DHX15: variants seen among roughly 807,000 people sequenced by gnomAD.
DHX15 encodes DEAH-box helicase 15, also known as ATP-dependent RNA helicase DHX15.
DHX15 carries 11 observed loss-of-function variants against 94.4 expected under a neutral mutation model. That is an observed-to-expected ratio of 0.12 (90% confidence interval 0.07 to 0.19). The LOEUF is 0.19. Among genes scored for constraint, DHX15 ranks in the 10% least tolerant of loss-of-function variants. DHX15 has a pLI of 1.00. For missense variants in DHX15, 304 were observed against 988.5 expected (o/e 0.31, Z 9.29); for synonymous variants, 338 against 329.9 (o/e 1.02, Z -0.27).
rs372498614 is a variant in DHX15 at position 24,565,133 on chromosome 4, AATG to A, written c.701+5518_701+5520del. The stretch of plus-strand genomic sequence containing the variant: ...CTCAACAGAACTCACAGAAAGCTAG[AATG>A]AATGTGTAGGGTGTAGGTTCTACTT... On this transcript the variant is annotated intron_variant, in intron 3 of 13. Transcript: ENST00000336812. Among the ~76,000 whole-genome samples, 41 of 152,384 alleles carry A rather than the reference AATG, an allele frequency of 2.7e-4. No homozygotes were observed. In the East Asian group the frequency reaches 7.3e-3, roughly 27 times the overall value.
chr4:24,565,883 C>T (rs564367589), intron 3 of DHX15, among the ~76,000 whole-genome samples: 49 of 152,128 alleles, frequency 3.2e-4, no homozygotes, highest in Non-Finnish European at 5.6e-4. Context: ...GTAGTTAGTA[C>T]CAGCTCCATC....
At chr4:24,529,489 C>A (rs541738652) in intron 13 of DHX15, 112 bp downstream of exon 13, 56 of 907,264 alleles carry the variant, frequency 6.2e-5, no homozygotes, top group African/African-American at 1.5e-4. Flanking sequence ...TACCTACACA[C>A]TGAAATATAA....
At chr4:24,580,754 G>C (rs546783050) in intron 1 of DHX15, 1 of 151,966 alleles carries the variant, frequency 6.6e-6, no homozygotes, top group Non-Finnish European at 1.5e-5. Flanking sequence ...CTGACCTCAG[G>C]TGATCCATTC....
In DHX15 at chr4:24,541,075, G is replaced by A. The variant is rs538158485; in HGVS notation, c.1486-127C>T. Reference sequence around the variant, plus strand: ...ATTACTTCTACACTGTCTCAGTAGAGATAAATACTTGTAGGCTAGACTAGA... The same window carrying A: ...ATTACTTCTACACTGTCTCAGTAGAAATAAATACTTGTAGGCTAGACTAGA... On this transcript the variant is annotated intron_variant, in intron 8 of 13. Coordinates refer to ENST00000336812, the MANE Select transcript of DHX15 (RefSeq NM_001358.3). 7.4e-6 allele frequency: 4 copies of A among 537,734 alleles called. No homozygotes were observed. The South Asian group carries it at 8.5e-5, about 11-fold the overall frequency. 33.3% of individuals were successfully genotyped at this position (537,734 alleles called of 1,614,324 possible). A position where few individuals can be genotyped will look rare whatever the true frequency, so the allele number is the denominator to read the frequency against.
At chr4:24,581,970 G>A (rs1468694458) in intron 1 of DHX15, among the ~76,000 whole-genome samples, 2 of 152,110 alleles carry the variant, frequency 1.3e-5, no homozygotes, top group Admixed American at 6.6e-5. Context: ...ATCTCCCACT[G>A]AATTACCTTC....
chr4:24,554,661 A>T, intron 5 of DHX15, 64 bp downstream of exon 5: 1 of 1,180,198 alleles, frequency 8.5e-7, no homozygotes, highest in Non-Finnish European at 1.2e-6. Flanking sequence ...TCTTATGATT[A>T]AGGTTGCTGC....
intron 11 of DHX15, among the ~76,000 whole-genome samples, chr4:24,534,355 A>C (rs1577332274): frequency 6.6e-6 from 1 of 152,206 alleles, no homozygotes. Context: ...CTATGGCTTG[A>C]AATGTAGCTT....
intron 2 of DHX15, among the ~76,000 whole-genome samples, chr4:24,573,973 A>C (rs1190466081): frequency 6.6e-6 from 1 of 151,934 alleles, no homozygotes; most frequent in Non-Finnish European, 1.5e-5. Flanking sequence ...AGACAGGCCA[A>C]TAACTTGAGG....
intron 3 of DHX15, chr4:24,563,084 T>TAA (rs1308984609): frequency 6.6e-6 from 1 of 151,782 alleles, no homozygotes; most frequent in Non-Finnish European, 1.5e-5. Context: ...TGTCCAGGTA[T>TAA]AATTTTTCTA....
At chr4:24,560,479 T>C (rs1179656179) in intron 3 of DHX15, among the ~76,000 whole-genome samples, 1 of 152,116 alleles carries the variant, frequency 6.6e-6, no homozygotes, top group Non-Finnish European at 1.5e-5. Context: ...GTTAATTCAA[T>C]ACGTGTACAA....
At chr4:24,542,695 G>A (rs531676493) in intron 7 of DHX15, among the ~76,000 whole-genome samples, 1 of 150,684 alleles carries the variant, frequency 6.6e-6, no homozygotes, top group African/African-American at 2.4e-5. Flanking sequence ...AACACCCACC[G>A]TCACTACACT....
At chr4:24,535,862 A>C (rs1312103935) in intron 11 of DHX15, among the ~76,000 whole-genome samples, 1 of 152,228 alleles carries the variant, frequency 6.6e-6, no homozygotes, top group African/African-American at 2.4e-5. Flanking sequence ...TGAGATAATA[A>C]AAATGAGTTA....
In DHX15 at chr4:24,549,008, G is replaced by A; in HGVS notation, c.1095C>T (p.Ala365=). The A allele has an allele frequency of 6.2e-7, 1 of 1,607,490 alleles. No individual in the cohort carries two copies. The highest frequency in any genetic ancestry group is 1.1e-5 in the South Asian group (1 of 89,826). ...FLTGQEEIDE[A]CKRIKREVDD... ...CAACTTCACGCTTTATTCTCTTACA[G>A]GCTTCATCAATTTCCTACAAAATAA... The change falls in exon 6 of 14, where the codon GCC becomes GCT. Residue 365 remains alanine, a synonymous_variant. Coordinates refer to ENST00000336812, the MANE Select transcript of DHX15 (RefSeq NM_001358.3).
At chr4:24,548,304 G>A (rs115698033) in intron 6 of DHX15, among the ~76,000 whole-genome samples, 1,628 of 151,988 alleles carry the variant, frequency 0.011, 5 homozygotes, top group Non-Finnish European at 0.016. Flanking sequence ...TACCACGCCC[G>A]GCTAATTTTT....
chr4:24,535,749 C>G (rs1721184035), intron 11 of DHX15, among the ~76,000 whole-genome samples: 1 of 152,188 alleles, frequency 6.6e-6, no homozygotes, highest in African/African-American at 2.4e-5. Flanking sequence ...CACTGGCCCT[C>G]TAGCACTTCT....
At chr4:24,531,113 G>A (rs1292952278) in intron 12 of DHX15, among the ~76,000 whole-genome samples, 1 of 150,674 alleles carries the variant, frequency 6.6e-6, no homozygotes, top group Admixed American at 6.6e-5. Context: ...TTTTGAGACG[G>A]AGTCTCGCTC....
At chr4:24,536,298 C>T (rs918214659) in intron 11 of DHX15, among the ~76,000 whole-genome samples, 2 of 151,992 alleles carry the variant, frequency 1.3e-5, no homozygotes, top group African/African-American at 4.8e-5. Context: ...TTTTTTACCA[C>T]CATAAATAAT....
intron 3 of DHX15, among the ~76,000 whole-genome samples, chr4:24,565,343 T>G (rs1266952825): frequency 6.6e-6 from 1 of 152,206 alleles, no homozygotes; most frequent in African/African-American, 2.4e-5. Context: ...CACAGTAACT[T>G]TTTAGTCCTC....
chr4:24,535,554 C>A (rs541865191), intron 11 of DHX15, among the ~76,000 whole-genome samples: 37 of 152,268 alleles, frequency 2.4e-4, no homozygotes, highest in African/African-American at 8.7e-4. Flanking sequence ...ATGTGCTGGT[C>A]TTCAGCCTGT....
Sources: allele counts gnomAD v4.1 joint callset (sites outside exome capture counted in the v4.1 genomes callset), GRCh38; gene constraint gnomAD v4.1.1; transcripts MANE v1.5; gene names NCBI Gene and HGNC (gene_info 2026-07-23, HGNC 2026-07-21).